ABCA13: variants seen among roughly 807,000 people sequenced by gnomAD.
ABCA13 encodes ATP-binding cassette sub-family A member 13.
ABCA13 carries 476 observed loss-of-function variants against 478.7 expected under a neutral mutation model. That is an observed-to-expected ratio of 0.99 (90% CI 0.92 to 1.07). The LOEUF (loss-of-function observed/expected upper bound fraction) is 1.07, where lower values mean the gene tolerates loss of function less well. Among genes scored for constraint, ABCA13 ranks in the 50% least tolerant of loss-of-function variants. ABCA13 has a pLI of 0.00. For missense variants in ABCA13, 6,060 were observed against 5,910.6 expected, an observed-to-expected ratio of 1.03 and a Z score of -0.83; for synonymous variants, 2,252 against 2,158.9, an observed-to-expected ratio of 1.04 and a Z score of -1.20.
intron 55 of ABCA13, among the ~76,000 whole-genome samples, chr7:48,567,350 G>T (rs1190341603): frequency 2.6e-5 from 4 of 151,980 alleles, no homozygotes; most frequent in Non-Finnish European, 5.9e-5. Flanking sequence ...AAGGGTGCTG[G>T]GGTCATTGGA....
chr7:48,205,205 A>T, intron 3 of ABCA13, among the ~76,000 whole-genome samples: 1 of 152,236 alleles, frequency 6.6e-6, no homozygotes, highest in Non-Finnish European at 1.5e-5. Context: ...TCAGGTTATA[A>T]AGATAATTTC....
intron 6 of ABCA13, among the ~76,000 whole-genome samples, chr7:48,227,789 TG>T (rs1788452055): frequency 6.6e-6 from 1 of 152,238 alleles, no homozygotes; most frequent in South Asian, 2.1e-4. Context: ...ATTGGATTTT[TG>T]GTTGTTTCTG....
intron 14 of ABCA13, 52 bp from the exon 15 acceptor site, chr7:48,249,160 C>A (rs1045663245): frequency 1.3e-6 from 2 of 1,517,504 alleles, no homozygotes; most frequent in Non-Finnish European, 9.0e-7. Context: ...GATCTGTCAT[C>A]TGCAAGATCA....
chr7:48,287,178 T>A (rs1482219989), intron 19 of ABCA13, among the ~76,000 whole-genome samples: 1 of 152,152 alleles, frequency 6.6e-6, no homozygotes. Context: ...TTGTATCTGA[T>A]GGCCTTGAGG....
chr7:48,457,149 G>C (rs532136942), intron 43 of ABCA13, among the ~76,000 whole-genome samples: 37 of 152,114 alleles, frequency 2.4e-4, no homozygotes, highest in Admixed American at 1.1e-3. Flanking sequence ...TAAAAGTTTT[G>C]ATAGTTCAGA....
chr7:48,433,140 A>G (rs1346955483), intron 42 of ABCA13, among the ~76,000 whole-genome samples: 1 of 151,922 alleles, frequency 6.6e-6, no homozygotes, highest in Non-Finnish European at 1.5e-5. Flanking sequence ...AAAAAGAAAT[A>G]AAATCTACCA....
At chr7:48,633,965 TA>T (rs1289217438) in intron 59 of ABCA13, among the ~76,000 whole-genome samples, 1 of 151,824 alleles carries the variant, frequency 6.6e-6, no homozygotes, top group African/African-American at 2.4e-5. Flanking sequence ...GATAGATAGA[TA>T]GATAGATAGA....
intron 16 of ABCA13, among the ~76,000 whole-genome samples, chr7:48,270,070 T>C (rs989004422): frequency 3.9e-5 from 6 of 152,176 alleles, no homozygotes; most frequent in African/African-American, 1.2e-4. Flanking sequence ...TGTGGACCCA[T>C]AGCAGTTGGC....
chr7:48,320,925 A>T (rs1244530525), intron 27 of ABCA13, among the ~76,000 whole-genome samples: 1 of 152,204 alleles, frequency 6.6e-6, no homozygotes, highest in Non-Finnish European at 1.5e-5. Flanking sequence ...TGCCATTTGG[A>T]AGTGGAAAAA....
Position 48,295,691 on chromosome 7 carries a change from G to A in ABCA13, c.8956-9G>A. ...TGCTTCTAACCTATATCATTGCTAT[G>A]TTTTCTAGGAAATTGAAAAGATATG... On this transcript the variant is annotated splice_polypyrimidine_tract_variant and intron_variant, in intron 20 of 61. Transcript: ENST00000435803. The A allele has an allele frequency of 6.2e-7, 1 of 1,613,876 alleles. No individual in the cohort carries two copies. Among genetic ancestry groups the A allele is most frequent in the Non-Finnish European group, 8.5e-7 (1 of 1,179,838 alleles).
chr7:48,203,358 C>A (rs1162199345), intron 3 of ABCA13, among the ~76,000 whole-genome samples: 1 of 152,250 alleles, frequency 6.6e-6, no homozygotes, highest in African/African-American at 2.4e-5. Flanking sequence ...CAGAAAGGGA[C>A]TCCCACAGTG....
intron 47 of ABCA13, among the ~76,000 whole-genome samples, chr7:48,484,385 CATT>C (rs1216702442): frequency 6.6e-6 from 1 of 152,142 alleles, no homozygotes; most frequent in Non-Finnish European, 1.5e-5. Context: ...ATGAAAATAT[CATT>C]ATTAATAACT....
chr7:48,619,013 G>T (rs546323234), intron 59 of ABCA13, among the ~76,000 whole-genome samples: 1 of 152,330 alleles, frequency 6.6e-6, no homozygotes, highest in South Asian at 2.1e-4. Context: ...GCTGAGTGGA[G>T]CCATAAGGGC....
chr7:48,415,933 C>T (rs1312750343), intron 41 of ABCA13, among the ~76,000 whole-genome samples: 1 of 152,078 alleles, frequency 6.6e-6, no homozygotes, highest in Non-Finnish European at 1.5e-5. Flanking sequence ...TCCCTTCCTT[C>T]CTGCCTTCCT....
At chr7:48,434,027 G>A (rs532822221) in intron 42 of ABCA13, among the ~76,000 whole-genome samples, 1 of 151,824 alleles carries the variant, frequency 6.6e-6, no homozygotes, top group South Asian at 2.1e-4. Flanking sequence ...CTTTTTTTGA[G>A]CATATAACAA....
intron 59 of ABCA13, among the ~76,000 whole-genome samples, chr7:48,637,059 A>G (rs949720090): frequency 1.3e-5 from 2 of 152,150 alleles, no homozygotes; most frequent in African/African-American, 4.8e-5. Context: ...ACTCAGAAGA[A>G]GTTTAATCCA....
chr7:48,369,126 G>A (rs1345308899), intron 32 of ABCA13, among the ~76,000 whole-genome samples: 2 of 152,050 alleles, frequency 1.3e-5, no homozygotes, highest in African/African-American at 2.4e-5. Context: ...TTACATTGTG[G>A]TTTTGATTTG....
Position 48,229,762 on chromosome 7 carries a change from A to G in ABCA13, c.633-63A>G, listed in dbSNP as rs887535447. The stretch of plus-strand genomic sequence containing the variant: ...TCCATGGGATGTAAGTAAACCTAGA[A>G]TTGATGCTACTTGTTTTGCTAACTA... On this transcript the variant is annotated intron_variant, in intron 6 of 61. Coordinates refer to ENST00000435803, the MANE Select transcript of ABCA13 (RefSeq NM_152701.5). 4.4e-6 allele frequency: 7 copies of G among 1,596,948 alleles called. No individual in the cohort carries two copies. In the Admixed American group the frequency reaches 6.7e-5, roughly 15 times the overall value.
chr7:48,248,920 A>G (rs536790578), intron 14 of ABCA13, among the ~76,000 whole-genome samples: 1 of 152,288 alleles, frequency 6.6e-6, no homozygotes, highest in African/African-American at 2.4e-5. Context: ...TTAATATTTA[A>G]GTTCACTTCC....
Sources: gnomAD v4.1 joint callset for allele counts (sites outside exome capture counted in the v4.1 genomes callset) on GRCh38, gnomAD v4.1.1 for gene constraint, MANE v1.5 for transcripts, NCBI Gene and HGNC (gene_info 2026-07-23, HGNC 2026-07-21) for gene names.